The following TMEM248 variants were observed in gnomAD, a reference collection of about 807,000 sequenced individuals.
The protein encoded by TMEM248 is UPF0458 protein C7orf42.
TMEM248 carries 9 observed loss-of-function variants against 30.3 expected under a neutral mutation model. The observed-to-expected ratio is 0.30, with a 90% CI of 0.18 to 0.52. The LOEUF (loss-of-function observed/expected upper bound fraction) is 0.52, where lower values mean the gene tolerates loss of function less well. Ranked by LOEUF, TMEM248 falls within the 20% of genes least tolerant of loss-of-function variation. The pLI is 0.97. For missense variants in TMEM248, 338 were observed against 403.3 expected (o/e 0.84, Z 1.39); for synonymous variants, 184 against 154.4 (o/e 1.19, Z -1.42).
intron 1 of TMEM248, among the ~76,000 whole-genome samples, chr7:66,940,075 T>G (rs1791909111): frequency 6.6e-6 from 1 of 152,082 alleles, no homozygotes; most frequent in African/African-American, 2.4e-5. Context: ...TGCCTCAGCC[T>G]CCCTAGTAGC....
chr7:66,921,675 C>T (rs897937879), intron 1 of TMEM248, among the ~76,000 whole-genome samples: 8 of 152,234 alleles, frequency 5.3e-5, no homozygotes, highest in African/African-American at 1.2e-4. Flanking sequence ...CCACTCGCGT[C>T]CCCCGAGCCA....
At chr7:66,935,894 G>A (rs1339121069) in intron 1 of TMEM248, among the ~76,000 whole-genome samples, 1 of 152,160 alleles carries the variant, frequency 6.6e-6, no homozygotes, top group Non-Finnish European at 1.5e-5. Flanking sequence ...AAATGCTACT[G>A]ATTTTTGTAG....
At position 66,948,658 on chromosome 7, in the gene TMEM248, C is replaced by A; in HGVS notation, c.560C>A (p.Thr187Asn). Residue 187 changes from threonine to asparagine, a missense_variant, in exon 4 of 7, where the codon ACC becomes AAC. Thr to Asn is a moderately conservative substitution (Grantham distance 65, BLOSUM62 0). Coordinates refer to ENST00000341567, the MANE Select transcript of TMEM248 (RefSeq NM_017994.5). ...CEQVVFTACMTLTASPGVFPV... is the reference protein window; with the variant it reads ...CEQVVFTACMNLTASPGVFPV... ...CAGGTGGTATTCACAGCCTGCATGA[C>A]CCTCACGGCCAGCCCTGGGGTGTTC... 6.2e-7 allele frequency: 1 copy of A among 1,613,948 alleles called. No individual in the cohort carries two copies. Among genetic ancestry groups the A allele is most frequent in the Non-Finnish European group, 8.5e-7 (1 of 1,179,856 alleles).
At chr7:66,950,713 C>T (rs184974119) in intron 4 of TMEM248, among the ~76,000 whole-genome samples, 1 of 152,260 alleles carries the variant, frequency 6.6e-6, no homozygotes, top group East Asian at 1.9e-4. Flanking sequence ...AAATCCAACA[C>T]CCAAACTCCT....
chr7:66,938,280 T>C (rs141831560), intron 1 of TMEM248, among the ~76,000 whole-genome samples: 48 of 152,256 alleles, frequency 3.2e-4, no homozygotes, highest in African/African-American at 1.0e-3. Context: ...TGAAGGTGAT[T>C]TTTCTCTGGT....
chr7:66,948,230 A>AGAC (rs1792163089), intron 3 of TMEM248, among the ~76,000 whole-genome samples: 1 of 152,234 alleles, frequency 6.6e-6, no homozygotes, highest in South Asian at 2.1e-4. Flanking sequence ...GAAAATGGCT[A>AGAC]GACAGCTGTG....
chr7:66,953,007 T>C (rs1792308906), intron 5 of TMEM248, among the ~76,000 whole-genome samples: 1 of 152,162 alleles, frequency 6.6e-6, no homozygotes, highest in South Asian at 2.1e-4. Context: ...TAGGAAGGCG[T>C]GGTGCTCTCC....
chr7:66,933,272 C>T (rs779666989), intron 1 of TMEM248, among the ~76,000 whole-genome samples: 4 of 152,160 alleles, frequency 2.6e-5, no homozygotes, highest in Non-Finnish European at 4.4e-5. Context: ...CAGGCTCAAG[C>T]CATCCTCCTG....
Position 66,948,691 on chromosome 7 carries a change from C to A in TMEM248, c.593C>A (p.Thr198Asn). ...GCCAGCCCTGGGGTGTTCCCCGTCA[C>A]TGTGTAAGTGTACCCGGCACCTGAT... Reference protein sequence around the residue: ...LTASPGVFPVTVQPPHCVPDT... With the variant: ...LTASPGVFPVNVQPPHCVPDT... Residue 198 changes from threonine to asparagine, a missense_variant, in exon 4 of 7, where the codon ACT becomes AAT. By Grantham distance (65) the Thr-to-Asn change is moderately conservative (BLOSUM62 0). Transcript: ENST00000341567. 1 of 1,607,530 alleles carries A rather than the reference C, an allele frequency of 6.2e-7. No homozygotes were observed. The highest frequency in any genetic ancestry group is 8.5e-7 in the Non-Finnish European group (1 of 1,174,710).
intron 2 of TMEM248, 135 bp from the exon 3 acceptor site, chr7:66,944,841 A>G (rs1792049936): frequency 1.1e-6 from 1 of 907,778 alleles, no homozygotes; most frequent in Non-Finnish European, 1.7e-6. Context: ...CCGAGTTGTC[A>G]TGATCTTAAA....
At chr7:66,925,993 A>G (rs1380615216) in intron 1 of TMEM248, among the ~76,000 whole-genome samples, 1 of 152,026 alleles carries the variant, frequency 6.6e-6, no homozygotes, top group Non-Finnish European at 1.5e-5. Flanking sequence ...TGGCTGTACT[A>G]ATTTACATTC....
intron 1 of TMEM248, among the ~76,000 whole-genome samples, chr7:66,935,701 C>T (rs901978495): frequency 2.0e-5 from 3 of 152,038 alleles, no homozygotes; most frequent in Admixed American, 6.6e-5. Context: ...CACCATCGTG[C>T]CCAGCTAATT....
intron 5 of TMEM248, among the ~76,000 whole-genome samples, chr7:66,952,241 T>A (rs926498571): frequency 5.3e-5 from 8 of 152,182 alleles, no homozygotes; most frequent in Admixed American, 3.3e-4. Flanking sequence ...GCCCAGCTAA[T>A]TTTTGTATTT....
At chr7:66,948,390 T>G (rs2129225281) in intron 3 of TMEM248, among the ~76,000 whole-genome samples, 154 bp from the exon 4 acceptor site, 1 of 152,242 alleles carries the variant, frequency 6.6e-6, no homozygotes, top group South Asian at 2.1e-4. Flanking sequence ...ATGGTCAGGG[T>G]CAGGACTGCT....
Position 66,948,605 on chromosome 7 carries a change from T to C in TMEM248, c.507T>C (p.Asp169=), listed in dbSNP as rs2129225344. Reference sequence around the variant, plus strand: ...CCCTGCCTACAGCGTGGAGCTCAGATGACTGCGCCCTCCACGGTCACTGTG... The same window carrying C: ...CCCTGCCTACAGCGTGGAGCTCAGACGACTGCGCCCTCCACGGTCACTGTG... ...TFTLPTAWSS[D]DCALHGHCEQ... The change falls in exon 4 of 7, where the codon GAT becomes GAC. Residue 169 remains aspartate (D), a synonymous_variant. Coordinates refer to ENST00000341567, the MANE Select transcript of TMEM248 (RefSeq NM_017994.5). 6.2e-7 allele frequency: 1 copy of C among 1,614,174 alleles called. No homozygotes were observed. Among genetic ancestry groups the C allele is most frequent in the African/African-American group, 1.3e-5 (1 of 75,064 alleles).
Position 66,945,181 on chromosome 7 carries a change from CACTGAA to C in TMEM248, c.368_373del (p.Leu123_Lys124del). The C allele has an allele frequency of 6.2e-7, 1 of 1,614,214 alleles. No homozygotes were observed. Among genetic ancestry groups the C allele is most frequent in the South Asian group, 1.1e-5 (1 of 91,092 alleles). On this transcript the variant is annotated inframe_deletion, in exon 3 of 7. Transcript: ENST00000341567. ...GTCTCAATCACCCTAACCCTGGACC[CACTGAA>C]ACCCTTCGGAGGGTATTCCCGCAAC...
At chr7:66,953,006 G>A (rs972631202) in intron 5 of TMEM248, among the ~76,000 whole-genome samples, 13 of 152,286 alleles carry the variant, frequency 8.5e-5, no homozygotes, top group African/African-American at 2.9e-4. Flanking sequence ...CTAGGAAGGC[G>A]TGGTGCTCTC....
intron 4 of TMEM248, 75 bp from the exon 5 acceptor site, chr7:66,950,877 G>C (rs1249030939): frequency 1.0e-5 from 13 of 1,273,430 alleles, no homozygotes; most frequent in Admixed American, 8.5e-5. Flanking sequence ...TGTTTTACCA[G>C]CTGCTGTGGG....
At chr7:66,950,377 G>C (rs1792229491) in intron 4 of TMEM248, among the ~76,000 whole-genome samples, 1 of 152,124 alleles carries the variant, frequency 6.6e-6, no homozygotes, top group Non-Finnish European at 1.5e-5. Context: ...TAGTAAGAGA[G>C]TTCCCATGAG....
Sources: gnomAD v4.1 joint callset for allele counts (sites outside exome capture counted in the v4.1 genomes callset) on GRCh38, gnomAD v4.1.1 for gene constraint, MANE v1.5 for transcripts, NCBI Gene and HGNC (gene_info 2026-07-23, HGNC 2026-07-21) for gene names.